ANKRD34C: variants seen among roughly 807,000 people sequenced by gnomAD.
ANKRD34C encodes the protein ankyrin repeat domain-containing protein 34C.
For missense variants in ANKRD34C, 563 were observed against 653.0 expected (o/e 0.86, Z 1.50); for synonymous variants, 260 against 253.6 (o/e 1.03, Z -0.24).
Position 79,295,067 on chromosome 15 carries a change from G to C in ANKRD34C, c.*175G>C. 1 of 715,872 alleles carries C rather than the reference G, an allele frequency of 1.4e-6. No individual in the cohort carries two copies. The highest frequency in any genetic ancestry group is 2.2e-6 in the Non-Finnish European group (1 of 456,196). 44.3% of individuals were successfully genotyped at this position (715,872 alleles called of 1,614,324 possible). ...GTTTTTATAGGCCTACTTGAAAAGA[G>C]CTCAGGATAATTGGGTTTTGAAGAT... is the stretch of plus-strand genomic sequence containing the variant. On this transcript the variant is annotated 3_prime_UTR_variant, in exon 2 of 2. Transcript: ENST00000421388.
intron 1 of ANKRD34C, among the ~76,000 whole-genome samples, chr15:79,286,213 T>C (rs759183794): frequency 7.6e-5 from 6 of 78,524 alleles, no homozygotes; most frequent in African/African-American, 1.6e-4. Context: ...GAGGTGAAAG[T>C]GATGGTGGGG....
chr15:79,294,929 A>C lies in ANKRD34C; in HGVS notation c.*37A>C. On this transcript the variant is annotated 3_prime_UTR_variant, in exon 2 of 2. Coordinates refer to ENST00000421388, the MANE Select transcript of ANKRD34C (RefSeq NM_001146341.2). ...AGGCTTAAAATAGTCAATATAGTTTATGGAAGGGACTATGGATGAGACTGC... is the reference window on the plus strand; with the variant it reads ...AGGCTTAAAATAGTCAATATAGTTTCTGGAAGGGACTATGGATGAGACTGC... 1 of 1,483,390 alleles carries C rather than the reference A, an allele frequency of 6.7e-7. No individual in the cohort carries two copies. The highest frequency in any genetic ancestry group is 8.9e-7 in the Non-Finnish European group (1 of 1,119,812). 91.9% of individuals were successfully genotyped at this position (1,483,390 alleles called of 1,614,324 possible).
In ANKRD34C at chr15:79,296,647, A is replaced by T. The variant is rs2058673058; in HGVS notation, c.*1755A>T. The T allele has an allele frequency of 6.0e-6, 1 of 167,098 alleles. No individual in the cohort carries two copies. Among genetic ancestry groups the T allele is most frequent in the Admixed American group, 6.5e-5 (1 of 15,294 alleles). The allele number at this position is 167,098 out of a possible 1,614,324, so 10.4% of individuals were successfully genotyped here. ...AATTTATCTGAATATTCCAAACAAA[A>T]GTGTTAATGATGGTTAAACAAAAAA... On this transcript the variant is annotated 3_prime_UTR_variant, in exon 2 of 2. Coordinates refer to ENST00000421388, the MANE Select transcript of ANKRD34C (RefSeq NM_001146341.2).
intron 1 of ANKRD34C, among the ~76,000 whole-genome samples, 105 bp downstream of exon 1, chr15:79,283,333 T>C (rs1182689847): frequency 6.6e-6 from 1 of 152,064 alleles, no homozygotes; most frequent in Non-Finnish European, 1.5e-5. Context: ...GGGGAACTGG[T>C]AGGAGACAGC....
At chr15:79,284,134 A>C (rs770245257) in intron 1 of ANKRD34C, among the ~76,000 whole-genome samples, 3 of 152,172 alleles carry the variant, frequency 2.0e-5, no homozygotes, top group Non-Finnish European at 2.9e-5. Context: ...GTGCACCACA[A>C]ATTTGTGTCC....
At position 79,294,481 on chromosome 15, in the gene ANKRD34C, C is replaced by T; in HGVS notation, c.1197C>T (p.Gly399=). The change falls in exon 2 of 2, where the codon GGC becomes GGT. Residue 399 remains glycine (G), a synonymous_variant. Transcript: ENST00000421388. ...DPPNSISLES[G]KGPLDRKKLN... ...CCAACTCCATTTCCCTTGAATCCGG[C>T]AAAGGACCTTTAGATAGAAAGAAGC... is the stretch of plus-strand genomic sequence containing the variant. 1 of 1,551,736 alleles carries T rather than the reference C, an allele frequency of 6.4e-7. No homozygotes were observed. Among genetic ancestry groups the T allele is most frequent in the Non-Finnish European group, 8.7e-7 (1 of 1,147,004 alleles).
In ANKRD34C at chr15:79,297,615, C is replaced by T. The variant is rs1272229410; in HGVS notation, c.*2723C>T. On this transcript the variant is annotated 3_prime_UTR_variant, in exon 2 of 2. Coordinates refer to ENST00000421388, the MANE Select transcript of ANKRD34C (RefSeq NM_001146341.2). Reference sequence around the variant, plus strand: ...AGCCTTTCAATAGACAGTCATCAGGCTAGTATCTTATCTCATCACTACTTG... The same window carrying T: ...AGCCTTTCAATAGACAGTCATCAGGTTAGTATCTTATCTCATCACTACTTG... The T allele has an allele frequency of 3.6e-5, 6 of 167,028 alleles. No individual in the cohort carries two copies. Among genetic ancestry groups the T allele is most frequent in the Non-Finnish European group, 5.9e-5 (4 of 68,122 alleles). 10.3% of individuals were successfully genotyped at this position (167,028 alleles called of 1,614,324 possible). A position where few individuals can be genotyped will look rare whatever the true frequency, so the allele number is the denominator to read the frequency against.
At chr15:79,291,569 C>CACAT in intron 1 of ANKRD34C, among the ~76,000 whole-genome samples, 1 of 111,224 alleles carries the variant, frequency 9.0e-6, no homozygotes, top group Non-Finnish European at 1.8e-5. Context: ...CACACACACA[C>CACAT]ACACACACAC....
At chr15:79,292,879 A>T (rs2058663055) in intron 1 of ANKRD34C, among the ~76,000 whole-genome samples, 1 of 152,258 alleles carries the variant, frequency 6.6e-6, no homozygotes, top group Admixed American at 6.5e-5. Flanking sequence ...TTTCTAAGGA[A>T]TGTAGAGTTC....
At chr15:79,292,055 A>G (rs994333393) in intron 1 of ANKRD34C, among the ~76,000 whole-genome samples, 7 of 152,262 alleles carry the variant, frequency 4.6e-5, no homozygotes, top group African/African-American at 1.7e-4. Context: ...ATAGAGTAAT[A>G]TAAATAAATA....
In ANKRD34C at chr15:79,282,906, A is replaced by G. The variant is rs1042322686; in HGVS notation, c.-367A>G. Among the ~76,000 whole-genome samples, 1 of 152,214 alleles carries G rather than the reference A, an allele frequency of 6.6e-6. No individual in the cohort carries two copies. Among genetic ancestry groups the G allele is most frequent in the Non-Finnish European group, 1.5e-5 (1 of 68,034 alleles). On this transcript the variant is annotated 5_prime_UTR_variant, in exon 1 of 2. It removes the in-frame stop codon of an upstream open reading frame in the 5' UTR. Coordinates refer to ENST00000421388, the MANE Select transcript of ANKRD34C (RefSeq NM_001146341.2). Reference sequence around the variant, plus strand: ...TCTTTCATGCTTCTTTCTTTTTCTTAAAACCAAACCAAACCAAACCAAACC... The same window carrying G: ...TCTTTCATGCTTCTTTCTTTTTCTTGAAACCAAACCAAACCAAACCAAACC...
In ANKRD34C at chr15:79,282,850, G is replaced by A. The variant is rs2058631908; in HGVS notation, c.-423G>A. On this transcript the variant is annotated 5_prime_UTR_variant, in exon 1 of 2. Transcript: ENST00000421388. Reference sequence around the variant, plus strand: ...GGGCTGCGCAGAGACCTGCACACCCGCAGCGCGGAACCGGGGGCGATTCCT... The same window carrying A: ...GGGCTGCGCAGAGACCTGCACACCCACAGCGCGGAACCGGGGGCGATTCCT... 6.6e-6 allele frequency among the ~76,000 whole-genome samples: 1 copy of A among 152,252 alleles called. No homozygotes were observed. Among genetic ancestry groups the A allele is most frequent in the Non-Finnish European group, 1.5e-5 (1 of 68,050 alleles).
At position 79,282,886 on chromosome 15, in the gene ANKRD34C, C is replaced by T. The variant is rs1240842767; in HGVS notation, c.-387C>T. The stretch of plus-strand genomic sequence containing the variant: ...CCGGGGGCGATTCCTATCTTTCTTT[C>T]ATGCTTCTTTCTTTTTCTTAAAACC... On this transcript the variant is annotated 5_prime_UTR_variant, in exon 1 of 2. Transcript: ENST00000421388. 6.6e-6 allele frequency among the ~76,000 whole-genome samples: 1 copy of T among 152,110 alleles called. No homozygotes were observed. The highest frequency in any genetic ancestry group is 2.4e-5 in the African/African-American group (1 of 41,470).
At chr15:79,288,672 A>G (rs1289794287) in intron 1 of ANKRD34C, among the ~76,000 whole-genome samples, 3 of 152,180 alleles carry the variant, frequency 2.0e-5, no homozygotes, top group African/African-American at 7.2e-5. Context: ...AAGCAAGGTG[A>G]GTGTGTAACA....
chr15:79,294,844 A>T lies in ANKRD34C; in HGVS notation c.1560A>T (p.Gln520His). 6.5e-7 allele frequency: 1 copy of T among 1,547,872 alleles called. No individual in the cohort carries two copies. Among genetic ancestry groups the T allele is most frequent in the Non-Finnish European group, 8.7e-7 (1 of 1,146,116 alleles). ...KKKLLRRHSM[Q>H]IEQMKQLSDF... ...AGCTCCTCAGAAGGCATTCTATGCA[A>T]ATTGAACAAATGAAACAGCTGTCTG... Residue 520 changes from glutamine to histidine, a missense_variant, in exon 2 of 2, where the codon CAA (glutamine) becomes CAT (histidine). Gln to His is a conservative substitution (Grantham distance 24). Transcript: ENST00000421388.
chr15:79,293,275 T>C lies in ANKRD34C; in HGVS notation c.-10T>C, dbSNP rs1367356329. On this transcript the variant is annotated 5_prime_UTR_variant, in exon 2 of 2. Transcript: ENST00000421388. Reference sequence around the variant, plus strand: ...CTACTGTGGCTCAGGTCCTCTAAACTGTAGCCAATATGATGGATGATGACA... The same window carrying C: ...CTACTGTGGCTCAGGTCCTCTAAACCGTAGCCAATATGATGGATGATGACA... The C allele has an allele frequency of 2.7e-6, 4 of 1,499,152 alleles. No individual in the cohort carries two copies. Among genetic ancestry groups the C allele is most frequent in the African/African-American group, 2.8e-5 (2 of 71,308 alleles). The allele number at this position is 1,499,152 out of a possible 1,614,324, so 92.9% of individuals were successfully genotyped here. A position where few individuals can be genotyped will look rare whatever the true frequency, so the allele number is the denominator to read the frequency against.
chr15:79,291,589 CACACACACACACAGAG>C (rs1470831243), intron 1 of ANKRD34C, among the ~76,000 whole-genome samples: 20 of 118,486 alleles, frequency 1.7e-4, no homozygotes, highest in Non-Finnish European at 3.5e-4. Flanking sequence ...CACACACACA[CACACACACACACAGAG>C]AGAGAGAGAG....
chr15:79,286,097 C>A (rs2058643851), intron 1 of ANKRD34C, among the ~76,000 whole-genome samples: 1 of 152,104 alleles, frequency 6.6e-6, no homozygotes, highest in African/African-American at 2.4e-5. Context: ...TTTTCTGACA[C>A]TGGTGATATT....
rs2058674964 is a variant in ANKRD34C, at chr15:79,297,473, A to G, written c.*2581A>G. On this transcript the variant is annotated 3_prime_UTR_variant, in exon 2 of 2. Transcript: ENST00000421388. ...CTATTTATAGTAATTAGCTTAGGTG[A>G]CACACCAAACATGATGAGTTGCTCA... 6.0e-6 allele frequency: 1 copy of G among 167,086 alleles called. No homozygotes were observed. Among genetic ancestry groups the G allele is most frequent in the African/African-American group, 2.4e-5 (1 of 41,462 alleles). 10.4% of individuals were successfully genotyped at this position (167,086 alleles called of 1,614,324 possible).
Sources: gnomAD v4.1 joint callset for allele counts (sites outside exome capture counted in the v4.1 genomes callset) on GRCh38, gnomAD v4.1.1 for gene constraint, MANE v1.5 for transcripts, NCBI Gene and HGNC (gene_info 2026-07-23, HGNC 2026-07-21) for gene names.